Variants in DMD observed in about 807,000 individuals in gnomAD.
DMD encodes mutant dystrophin.
In DMD, 63 loss-of-function variants were observed where a neutral mutation model predicts 330.1. The observed-to-expected ratio is 0.19, with a 90% CI of 0.16 to 0.24. The LOEUF (loss-of-function observed/expected upper bound fraction) is 0.24. Ranked by LOEUF, DMD falls within the 10% of genes least tolerant of loss-of-function variation. DMD has a pLI of 1.00. For missense variants in DMD, 3,344 were observed against 2,684.1 expected, an observed-to-expected ratio of 1.25 and a Z score of -5.43; for synonymous variants, 1,223 against 959.8, an observed-to-expected ratio of 1.27 and a Z score of -5.07.
intron 44 of DMD, among the ~76,000 whole-genome samples, chrX:32,193,673 CAATAGGCCCTTCGATT>C (rs1312894492): frequency 8.9e-6 from 1 of 111,800 alleles, no homozygotes; most frequent in African/African-American, 3.3e-5. Context: ...TGTTCAATCA[CAATAGGCCCTTCGATT>C]AATATTTATT....
chrX:32,591,052 C>A (rs1251878359), intron 13 of DMD, among the ~76,000 whole-genome samples: 1 of 111,139 alleles, frequency 9.0e-6, no homozygotes, highest in East Asian at 2.8e-4. Context: ...ATATGATAGT[C>A]TTGCTATGTT....
chrX:31,827,180 T>C (rs886755474), intron 49 of DMD, among the ~76,000 whole-genome samples: 5 of 111,930 alleles, frequency 4.5e-5, no homozygotes, highest in Admixed American at 2.9e-4. Flanking sequence ...CATTATATAT[T>C]ATATGCTTGT....
intron 1 of DMD, among the ~76,000 whole-genome samples, chrX:33,023,143 ATT>A (rs1329532674): frequency 7.2e-5 from 8 of 111,829 alleles, no homozygotes; most frequent in Admixed American, 6.7e-4. Context: ...ATCAATCAAA[ATT>A]TTTGTGTCCA....
intron 15 of DMD, among the ~76,000 whole-genome samples, chrX:32,573,320 A>T (rs758345244): frequency 5.4e-5 from 6 of 112,062 alleles, no homozygotes; most frequent in Non-Finnish European, 9.4e-5. Context: ...TGTTTTATCA[A>T]GAGTACAACT....
intron 62 of DMD, among the ~76,000 whole-genome samples, chrX:31,291,948 T>C (rs2053731519): frequency 9.0e-6 from 1 of 110,987 alleles, no homozygotes; most frequent in South Asian, 3.8e-4. Flanking sequence ...ATCTCACATA[T>C]TACACAAAAG....
intron 9 of DMD, among the ~76,000 whole-genome samples, chrX:32,661,418 A>G (rs2060938112): frequency 9.0e-6 from 1 of 111,236 alleles, no homozygotes; most frequent in South Asian, 3.7e-4. Context: ...AAAGGTTAGA[A>G]ACTTGCCCAA....
chrX:31,888,972 GT>G (rs1052857190), intron 47 of DMD, among the ~76,000 whole-genome samples: 1 of 112,115 alleles, frequency 8.9e-6, no homozygotes, highest in African/African-American at 3.2e-5. Flanking sequence ...ATTGTTTCCA[GT>G]TTTAAGTATC....
chrX:31,799,567 G>C (rs1282172814), intron 50 of DMD, among the ~76,000 whole-genome samples: 1 of 111,011 alleles, frequency 9.0e-6, no homozygotes, highest in Non-Finnish European at 1.9e-5. Flanking sequence ...GATTTGGGTG[G>C]GGACACAGCC....
chrX:32,925,378 C>T (rs186801081), intron 2 of DMD, among the ~76,000 whole-genome samples: 93 of 109,857 alleles, frequency 8.5e-4, no homozygotes, highest in Non-Finnish European at 1.6e-3. Flanking sequence ...TGATAGTATC[C>T]TCCAAGGAAC....
Position 32,838,041 on chromosome X carries a change from ACT to A in DMD, c.264+6740_264+6741del, listed in dbSNP as rs1339906810. The stretch of plus-strand genomic sequence containing the variant: ...CACTATTAAACCTACAGTTATTTGT[ACT>A]CTCAATCTTTTGCTGTTAAATATGT... On this transcript the variant is annotated intron_variant, in intron 4 of 78. Transcript: ENST00000357033. Among the ~76,000 whole-genome samples, 5 of 111,856 alleles carry A rather than the reference ACT, an allele frequency of 4.5e-5. No individual in the cohort carries two copies. The South Asian group carries it at 1.1e-3, about 25-fold the overall frequency.
intron 57 of DMD, among the ~76,000 whole-genome samples, chrX:31,488,036 G>A (rs1271088613): frequency 8.9e-6 from 1 of 112,004 alleles, no homozygotes; most frequent in African/African-American, 3.2e-5. Context: ...CTGAGATCAA[G>A]GGCACGGGCT....
chrX:31,714,363 T>C (rs189268638), intron 52 of DMD, among the ~76,000 whole-genome samples: 1 of 112,195 alleles, frequency 8.9e-6, no homozygotes, highest in East Asian at 2.8e-4. Context: ...AGTGCACTGA[T>C]ATACTGAAGA....
chrX:31,556,289 C>T (rs1160142259), intron 55 of DMD, among the ~76,000 whole-genome samples: 3 of 104,980 alleles, frequency 2.9e-5, no homozygotes, highest in Non-Finnish European at 5.8e-5. Flanking sequence ...ATGGCGTGAA[C>T]CCAGGAGGTG....
At chrX:32,379,146 T>G (rs1419528407) in intron 34 of DMD, among the ~76,000 whole-genome samples, 2 of 110,177 alleles carry the variant, frequency 1.8e-5, no homozygotes, top group African/African-American at 6.6e-5. Flanking sequence ...TGAAAAGATC[T>G]AGATAGAGTG....
chrX:31,287,855 G>A (rs985976048), intron 62 of DMD, among the ~76,000 whole-genome samples: 1 of 111,592 alleles, frequency 9.0e-6, no homozygotes. Flanking sequence ...TATAACATGA[G>A]GTCAGTCATT....
chrX:32,591,586 C>T (rs757081462), intron 13 of DMD, among the ~76,000 whole-genome samples: 183 of 112,494 alleles, frequency 1.6e-3, no homozygotes, highest in Middle Eastern at 4.6e-3. Context: ...CCACCAATCT[C>T]ACTTATGATG....
At chrX:31,955,979 T>C (rs1227613340) in intron 45 of DMD, among the ~76,000 whole-genome samples, 1 of 112,572 alleles carries the variant, frequency 8.9e-6, no homozygotes, top group Admixed American at 9.4e-5. Context: ...TGAATGCCCA[T>C]TGCAGTTTGG....
intron 11 of DMD, among the ~76,000 whole-genome samples, chrX:32,624,342 G>A (rs1348775981): frequency 9.0e-6 from 1 of 111,659 alleles, no homozygotes; most frequent in Non-Finnish European, 1.9e-5. Context: ...AGCATATCAG[G>A]ACATGATACT....
At chrX:32,357,317 G>A (rs960733744) in intron 37 of DMD, among the ~76,000 whole-genome samples, 1 of 111,221 alleles carries the variant, frequency 9.0e-6, no homozygotes, top group Non-Finnish European at 1.9e-5. Context: ...AAATATCTCC[G>A]CAGCAGCAGT....
Sources: gnomAD v4.1 joint callset for allele counts (sites outside exome capture counted in the v4.1 genomes callset) on GRCh38, gnomAD v4.1.1 for gene constraint, MANE v1.5 for transcripts, NCBI Gene and HGNC (gene_info 2026-07-23, HGNC 2026-07-21) for gene names.